RAP2C: variants seen among roughly 807,000 people sequenced by gnomAD.
The protein encoded by RAP2C is ras-related protein Rap-2c.
Under a neutral mutation model 8.9 loss-of-function variants are expected in RAP2C, and 3 were observed. The observed-to-expected ratio is 0.34, with a 90% CI of 0.15 to 0.87. The LOEUF (loss-of-function observed/expected upper bound fraction) is 0.87. RAP2C is among the 40% of genes least tolerant of loss of function. RAP2C has a pLI of 0.51. For synonymous variants in RAP2C, 60 were observed against 52.1 expected, an observed-to-expected ratio of 1.15 and a Z score of -0.65; for missense variants, 76 against 133.7, an observed-to-expected ratio of 0.57 and a Z score of 2.13.
Position 132,214,415 on chromosome X carries a change from C to CT in RAP2C, c.304dup (p.Arg102LysfsTer6). ...TGGGACTTTTTCATATCTCTTCACT[C>CT]TGACAATTTGATCTCTCATTGGCTT... On this transcript the variant is annotated frameshift_variant, in exon 5 of 6. Coordinates refer to ENST00000370874, the MANE Select transcript of RAP2C (RefSeq NM_001271186.2). LOFTEE classifies it high-confidence loss of function. 1 of 1,210,973 alleles carries CT rather than the reference C, an allele frequency of 8.3e-7. No individual in the cohort carries two copies. Among genetic ancestry groups the CT allele is most frequent in the Non-Finnish European group, 1.1e-6 (1 of 894,998 alleles).
At chrX:132,214,993 G>T (rs1370280362) in intron 4 of RAP2C, among the ~76,000 whole-genome samples, 2 of 111,544 alleles carry the variant, frequency 1.8e-5, no homozygotes, top group Non-Finnish European at 3.8e-5. Context: ...AAATTGAATG[G>T]TATGCATTTA....
chrX:132,218,102 C>T (rs1930709309), intron 2 of RAP2C, 90 bp from the exon 3 acceptor site: 1 of 30,430 alleles, frequency 3.3e-5, no homozygotes, highest in Non-Finnish European at 5.5e-5. Flanking sequence ...CACCCACCCC[C>T]CACCCCCACC....
chrX:132,211,946 C>T (rs1930440693), intron 5 of RAP2C, among the ~76,000 whole-genome samples: 1 of 110,303 alleles, frequency 9.1e-6, no homozygotes, highest in Non-Finnish European at 1.9e-5. Flanking sequence ...ATTTTCTTCT[C>T]TTCTTAGGTA....
intron 1 of RAP2C, chrX:132,218,873 G>A (rs751659582): frequency 8.9e-5 from 10 of 112,378 alleles, no homozygotes; most frequent in Non-Finnish European, 1.5e-4. Flanking sequence ...ATTGGAAACG[G>A]TTTAGGCCTA....
In RAP2C at chrX:132,205,152, G is replaced by A. The variant is rs1930238119; in HGVS notation, c.*470C>T. On this transcript the variant is annotated 3_prime_UTR_variant, in exon 6 of 6. Coordinates refer to ENST00000370874, the MANE Select transcript of RAP2C (RefSeq NM_001271186.2). ...TTAAAGGAGAAAGATTTTACAAATA[G>A]GATGAAGCACTGGTACGAGGTAATA... The A allele has an allele frequency of 1.8e-5, 2 of 111,743 alleles. No homozygotes were observed. The highest frequency in any genetic ancestry group is 7.5e-4 in the South Asian group (2 of 2,679). 9.2% of individuals were successfully genotyped at this position (111,743 alleles called of 1,213,427 possible).
At chrX:132,210,892 T>C (rs144756845) in intron 5 of RAP2C, among the ~76,000 whole-genome samples, 7 of 111,667 alleles carry the variant, frequency 6.3e-5, no homozygotes, top group Non-Finnish European at 9.4e-5. Flanking sequence ...TATTTTAGGA[T>C]ATGATTATGC....
chrX:132,217,837 G>A (rs2124164378), intron 3 of RAP2C, 31 bp from the exon 4 acceptor site: 1 of 111,915 alleles, frequency 8.9e-6, no homozygotes, highest in East Asian at 2.9e-4. Flanking sequence ...CACATTACCC[G>A]GCTGACCCCC....
intron 5 of RAP2C, among the ~76,000 whole-genome samples, chrX:132,213,403 G>T (rs1384814601): frequency 9.0e-6 from 1 of 110,744 alleles, no homozygotes; most frequent in East Asian, 2.8e-4. Context: ...AAAAAAACTT[G>T]TAAGTTATCA....
intron 3 of RAP2C, 28 bp downstream of exon 3, chrX:132,217,888 C>T (rs1930684252): frequency 8.9e-6 from 1 of 111,903 alleles, no homozygotes; most frequent in Admixed American, 9.3e-5. Context: ...CCCCCAACTC[C>T]CACCCGGATC....
rs748956646 is a variant in RAP2C at position 132,204,175 on chromosome X, G to A, written c.*1447C>T. ...TGACTAAAGCTGGGCTCCTAAAATC[G>A]AGAACTTTGGTGCAGTAGGTGAGCT... is the stretch of plus-strand genomic sequence containing the variant. On this transcript the variant is annotated 3_prime_UTR_variant, in exon 6 of 6. Coordinates refer to ENST00000370874, the MANE Select transcript of RAP2C (RefSeq NM_001271186.2). 8.9e-5 allele frequency: 10 copies of A among 112,111 alleles called. No homozygotes were observed. The highest frequency in any genetic ancestry group is 1.9e-4 in the Non-Finnish European group (10 of 53,083). 9.2% of individuals were successfully genotyped at this position (112,111 alleles called of 1,213,427 possible).
rs1387875764 is a variant in RAP2C at position 132,219,354 on chromosome X, C to T, written c.-746+16G>A. On this transcript the variant is annotated intron_variant, in intron 1 of 5. Coordinates refer to ENST00000370874, the MANE Select transcript of RAP2C (RefSeq NM_001271186.2). Reference sequence around the variant, plus strand: ...GTCCCACTGTCCCTCCCTGAGTATTCCCCAATGTCACTTACAGTCTTCAAA... The same window carrying T: ...GTCCCACTGTCCCTCCCTGAGTATTTCCCAATGTCACTTACAGTCTTCAAA... The T allele has an allele frequency of 8.9e-6, 1 of 112,295 alleles. No individual in the cohort carries two copies. The highest frequency in any genetic ancestry group is 3.2e-5 in the African/African-American group (1 of 30,851). 9.3% of individuals were successfully genotyped at this position (112,295 alleles called of 1,213,427 possible).
intron 5 of RAP2C, 90 bp downstream of exon 5, chrX:132,214,044 G>A (rs907602042): frequency 1.1e-5 from 7 of 653,280 alleles, no homozygotes; most frequent in African/African-American, 2.2e-5. Flanking sequence ...TTAAGGCAGT[G>A]CCATATGTAT....
Position 132,214,118 on chromosome X carries a change from TC to T in RAP2C, c.*34+15del. 5 of 1,156,546 alleles carry T rather than the reference TC, an allele frequency of 4.3e-6. No individual in the cohort carries two copies. Among genetic ancestry groups the T allele is most frequent in the Non-Finnish European group, 5.8e-6 (5 of 861,286 alleles). On this transcript the variant is annotated intron_variant, in intron 5 of 5. Transcript: ENST00000370874. Reference sequence around the variant, plus strand: ...CAAAACACTACCTGATTCATACAGTTCCATCAAAAACTAACCTGCTCGGTAT... The same window carrying T: ...CAAAACACTACCTGATTCATACAGTTCATCAAAAACTAACCTGCTCGGTAT...
At position 132,217,364 on chromosome X, in the gene RAP2C, C is replaced by T; in HGVS notation, c.-96G>A. ...GAGGCGGAAGGTGGGCGGAAATCTGCGAACTGGGGAGGAGAGTGCAGAGGA... is the reference window on the plus strand; with the variant it reads ...GAGGCGGAAGGTGGGCGGAAATCTGTGAACTGGGGAGGAGAGTGCAGAGGA... On this transcript the variant is annotated 5_prime_UTR_variant, in exon 4 of 6. Transcript: ENST00000370874. 1.2e-6 allele frequency: 1 copy of T among 840,744 alleles called. No homozygotes were observed. The highest frequency in any genetic ancestry group is 1.6e-6 in the Non-Finnish European group (1 of 626,607). The allele number at this position is 840,744 out of a possible 1,213,427, so 69.3% of individuals were successfully genotyped here.
intron 4 of RAP2C, among the ~76,000 whole-genome samples, chrX:132,216,167 C>T (rs894267354): frequency 8.9e-6 from 1 of 111,822 alleles, no homozygotes; most frequent in African/African-American, 3.3e-5. Context: ...TAACGTTAAA[C>T]CTTCAGTCTG....
rs996627259 is a variant in RAP2C, at chrX:132,205,337, A to T, written c.*285T>A. 3.6e-5 allele frequency: 4 copies of T among 112,402 alleles called. No homozygotes were observed. The highest frequency in any genetic ancestry group is 1.3e-4 in the African/African-American group (4 of 30,824). The allele number at this position is 112,402 out of a possible 1,213,427, so 9.3% of individuals were successfully genotyped here. ...AAATATTAAAAATTAACCCTTGTAT[A>T]TTAGCCATCAATAAGAACTTAGAAA... On this transcript the variant is annotated 3_prime_UTR_variant, in exon 6 of 6. Transcript: ENST00000370874.
At chrX:132,205,663 A>G (rs974293290) in intron 5 of RAP2C, 76 bp from the exon 6 acceptor site, 6 of 111,706 alleles carry the variant, frequency 5.4e-5, no homozygotes, top group African/African-American at 2.0e-4. Context: ...ACAGATCTAT[A>G]TACACAGAGA....
At position 132,204,660 on chromosome X, in the gene RAP2C, GA is replaced by G. The variant is rs1930217983; in HGVS notation, c.*961del. On this transcript the variant is annotated 3_prime_UTR_variant, in exon 6 of 6. Coordinates refer to ENST00000370874, the MANE Select transcript of RAP2C (RefSeq NM_001271186.2). ...ATATTAAGAACTAGAAAGTGTGTAT[GA>G]TTTTATTTGAATTCAATTTTACATG... The G allele has an allele frequency of 9.0e-6, 1 of 111,563 alleles. No individual in the cohort carries two copies. The highest frequency in any genetic ancestry group is 1.9e-5 in the Non-Finnish European group (1 of 52,984). The allele number at this position is 111,563 out of a possible 1,213,427, so 9.2% of individuals were successfully genotyped here.
rs58119368 is a variant in RAP2C at position 132,204,980 on chromosome X, C to CAAAAAAA, written c.*635_*641dup. 1.4e-3 allele frequency: 71 copies of CAAAAAAA among 51,454 alleles called. No individual in the cohort carries two copies. Among genetic ancestry groups the CAAAAAAA allele is most frequent in the East Asian group, 3.6e-3 (6 of 1,679 alleles). The allele number at this position is 51,454 out of a possible 1,213,427, so 4.2% of individuals were successfully genotyped here. On this transcript the variant is annotated 3_prime_UTR_variant, in exon 6 of 6. Coordinates refer to ENST00000370874, the MANE Select transcript of RAP2C (RefSeq NM_001271186.2). ...TGTAACCTTCAGAACATGTTAATTA[C>CAAAAAAA]AAAAAAAAAAAAAAAAAAACAAAAC...
Sources: gnomAD v4.1 joint callset for allele counts (sites outside exome capture counted in the v4.1 genomes callset) on GRCh38, gnomAD v4.1.1 for gene constraint, MANE v1.5 for transcripts, NCBI Gene and HGNC (gene_info 2026-07-23, HGNC 2026-07-21) for gene names.